Variants in AGBL4 observed in about 807,000 individuals in gnomAD.
AGBL4 encodes AGBL carboxypeptidase 4, also known as cytosolic carboxypeptidase 6.
A neutral mutation model predicts 66.4 loss-of-function variants in AGBL4; 58 were observed. The observed-to-expected ratio is 0.87, with a 90% CI of 0.71 to 1.09. AGBL4 has a LOEUF of 1.09. AGBL4 is among the 50% of genes least tolerant of loss of function. The pLI is 0.00. For synonymous variants in AGBL4, 234 were observed against 222.9 expected (o/e 1.05, Z -0.44); for missense variants, 579 against 631.0 (o/e 0.92, Z 0.88).
In AGBL4 at chr1:49,748,270, T is replaced by C. The variant is rs1005532280; in HGVS notation, c.158-50833A>G. On this transcript the variant is annotated intron_variant, in intron 2 of 13. Coordinates refer to ENST00000371839, the MANE Select transcript of AGBL4 (RefSeq NM_032785.4). ...AGTGAGAACATGTGGTGTTTGGTTT[T>C]CTGTTCCTGTGTTAGTTTGCTGAGA... Among the ~76,000 whole-genome samples, 28 of 152,152 alleles carry C rather than the reference T, an allele frequency of 1.8e-4. 1 individual carries two copies. The highest frequency in any genetic ancestry group is 6.6e-5 in the Admixed American group (1 of 15,266).
At chr1:49,109,267 T>C (rs1645359502) in intron 4 of AGBL4, among the ~76,000 whole-genome samples, 1 of 152,168 alleles carries the variant, frequency 6.6e-6, no homozygotes, top group Admixed American at 6.5e-5. Context: ...AGGGAACAGC[T>C]ACTGTGGAAG....
chr1:49,263,757 C>A (rs946617012), intron 3 of AGBL4, among the ~76,000 whole-genome samples: 1 of 152,104 alleles, frequency 6.6e-6, no homozygotes, highest in African/African-American at 2.4e-5. Context: ...TGTTTATAAC[C>A]TATAACCTAG....
chr1:49,516,654 A>G (rs1649848520), intron 3 of AGBL4, among the ~76,000 whole-genome samples: 1 of 151,980 alleles, frequency 6.6e-6, no homozygotes, highest in Non-Finnish European at 1.5e-5. Flanking sequence ...AAACCAGGAG[A>G]GGATATGTGA....
In AGBL4 at chr1:48,634,529, T is replaced by C; in HGVS notation, c.915A>G (p.Gly305=). Residue 305 remains glycine, a synonymous_variant, in exon 9 of 14, where the codon GGA becomes GGG. Transcript: ENST00000371839. ...PSPWVHPTLH[G]VKQLIVQMYN... ...ACATCTGGACGATGAGTTGTTTCAC[T>C]CCATGCAGGGTAGGATGGACCCATG... is the stretch of plus-strand genomic sequence containing the variant. 1 of 1,605,974 alleles carries C rather than the reference T, an allele frequency of 6.2e-7. No homozygotes were observed. Among genetic ancestry groups the C allele is most frequent in the Admixed American group, 1.7e-5 (1 of 59,208 alleles).
chr1:49,522,997 T>C (rs1304211210), intron 3 of AGBL4, among the ~76,000 whole-genome samples: 1 of 152,022 alleles, frequency 6.6e-6, no homozygotes, highest in Non-Finnish European at 1.5e-5. Flanking sequence ...CAGGGGTGCA[T>C]AGCAATGTAT....
intron 3 of AGBL4, among the ~76,000 whole-genome samples, chr1:49,295,415 A>C (rs1644623015): frequency 1.3e-5 from 2 of 152,220 alleles, no homozygotes; most frequent in Admixed American, 6.5e-5. Context: ...TCTCTGACTT[A>C]AGACTTTGAG....
intron 6 of AGBL4, among the ~76,000 whole-genome samples, chr1:48,755,271 A>C (rs1360439991): frequency 6.6e-6 from 1 of 152,116 alleles, no homozygotes; most frequent in African/African-American, 2.4e-5. Flanking sequence ...GCTGCTCTCC[A>C]CTACCATCTA....
At chr1:48,781,192 C>A (rs956800037) in intron 6 of AGBL4, among the ~76,000 whole-genome samples, 4 of 151,930 alleles carry the variant, frequency 2.6e-5, no homozygotes, top group Non-Finnish European at 4.4e-5. Flanking sequence ...AAAGAACAGA[C>A]GATGGACCCG....
At chr1:49,290,305 C>A (rs1396183805) in intron 3 of AGBL4, among the ~76,000 whole-genome samples, 3 of 152,100 alleles carry the variant, frequency 2.0e-5, no homozygotes, top group Admixed American at 6.5e-5. Flanking sequence ...TTTAGTCTGC[C>A]ACGTATTTCC....
chr1:48,835,989 G>A (rs1646661567), intron 6 of AGBL4, among the ~76,000 whole-genome samples: 1 of 152,082 alleles, frequency 6.6e-6, no homozygotes, highest in African/African-American at 2.4e-5. Flanking sequence ...AGTGGAGATG[G>A]AAAAAGTGGG....
chr1:48,893,080 C>T (rs915568972), intron 5 of AGBL4, among the ~76,000 whole-genome samples: 2 of 152,026 alleles, frequency 1.3e-5, no homozygotes, highest in Non-Finnish European at 2.9e-5. Flanking sequence ...ATGAGAACAC[C>T]CCTACAAAAA....
chr1:48,694,266 G>T (rs1020988572), intron 6 of AGBL4, among the ~76,000 whole-genome samples: 16 of 152,038 alleles, frequency 1.1e-4, no homozygotes, highest in African/African-American at 3.9e-4. Flanking sequence ...TGAGAGAGAG[G>T]ATATGAATAT....
At chr1:48,853,248 C>G (rs773477588) in intron 6 of AGBL4, among the ~76,000 whole-genome samples, 15 of 152,168 alleles carry the variant, frequency 9.9e-5, no homozygotes, top group Non-Finnish European at 1.9e-4. Context: ...AGATGATCCT[C>G]CAGCCCCACT....
chr1:49,978,557 T>A (rs946019671), intron 1 of AGBL4, among the ~76,000 whole-genome samples: 4 of 152,222 alleles, frequency 2.6e-5, no homozygotes, highest in Non-Finnish European at 4.4e-5. Context: ...GTAGTTATAG[T>A]ATATCCAAAC....
intron 3 of AGBL4, among the ~76,000 whole-genome samples, chr1:49,375,399 T>C (rs1644451821): frequency 6.6e-6 from 1 of 152,020 alleles, no homozygotes; most frequent in African/African-American, 2.4e-5. Context: ...TTCTGAGAAG[T>C]GATGATTTTT....
chr1:49,556,031 A>G (rs1653413828), intron 3 of AGBL4, among the ~76,000 whole-genome samples: 1 of 152,204 alleles, frequency 6.6e-6, no homozygotes, highest in Non-Finnish European at 1.5e-5. Context: ...ATTACTGGGT[A>G]TATACCCAAA....
chr1:49,143,050 C>A (rs949152909), intron 4 of AGBL4, among the ~76,000 whole-genome samples: 1 of 152,086 alleles, frequency 6.6e-6, no homozygotes, highest in Non-Finnish European at 1.5e-5. Context: ...ATACATTAAA[C>A]GGGAAATGTT....
intron 4 of AGBL4, among the ~76,000 whole-genome samples, chr1:49,133,867 T>C (rs968718090): frequency 6.6e-6 from 1 of 152,118 alleles, no homozygotes; most frequent in Non-Finnish European, 1.5e-5. Context: ...CAAATAAGTA[T>C]GTATGTATAT....
At chr1:48,846,421 G>GAAAGAAAGAAAGAAAT (rs796582660) in intron 6 of AGBL4, among the ~76,000 whole-genome samples, 20 of 144,718 alleles carry the variant, frequency 1.4e-4, no homozygotes, top group Admixed American at 2.7e-4. Context: ...AAGAAAGAAA[G>GAAAGAAAGAAAGAAAT]AAATTCATTT....
Sources: gnomAD v4.1 joint callset for allele counts (sites outside exome capture counted in the v4.1 genomes callset) on GRCh38, gnomAD v4.1.1 for gene constraint, MANE v1.5 for transcripts, NCBI Gene and HGNC (gene_info 2026-07-23, HGNC 2026-07-21) for gene names.